UCHL5: variants seen among roughly 807,000 people sequenced by gnomAD.
UCHL5 encodes ubiquitin C-terminal hydrolase L5.
A neutral mutation model predicts 53.8 loss-of-function variants in UCHL5; 34 were observed. The observed-to-expected ratio is 0.63, with a 90% CI of 0.48 to 0.84. UCHL5 has a LOEUF of 0.84. Ranked by LOEUF, UCHL5 falls within the 40% of genes least tolerant of loss-of-function variation. The probability of loss-of-function intolerance (pLI) is 0.00; values close to 1 mark genes in which losing one functional copy is unlikely to be tolerated. For synonymous variants in UCHL5, 111 were observed against 126.3 expected (o/e 0.88, Z 0.81); for missense variants, 290 against 385.6 (o/e 0.75, Z 2.08).
rs570574771 is a variant in UCHL5 at position 193,018,677 on chromosome 1, C to T, written c.943-2282G>A. The T allele has an allele frequency of 4.7e-6, 6 of 1,283,896 alleles. No individual in the cohort carries two copies. The African/African-American group carries it at 6.2e-5, about 13-fold the overall frequency. The allele number at this position is 1,283,896 out of a possible 1,614,324, so 79.5% of individuals were successfully genotyped here. A position where few individuals can be genotyped will look rare whatever the true frequency, so the allele number is the denominator to read the frequency against. On this transcript the variant is annotated intron_variant, in intron 10 of 10. Transcript: ENST00000367454. ...TAGGTCAAATACTTTTATGTCATCA[C>T]AGATTATAGGCAACTGCCTCAGCTA...
At position 193,028,168 on chromosome 1, in the gene UCHL5, CAGTT is replaced by C. The variant is rs1433580428; in HGVS notation, c.566-24_566-21del. 1 of 1,551,824 alleles carries C rather than the reference CAGTT, an allele frequency of 6.4e-7. No homozygotes were observed. The highest frequency in any genetic ancestry group is 8.7e-7 in the Non-Finnish European group (1 of 1,152,094). ...ATGCACCTAGAAAGAAATTTTAAAA[CAGTT>C]AACACAAATAAAAATAAGAACAATC... On this transcript the variant is annotated intron_variant, in intron 6 of 10. Coordinates refer to ENST00000367454, the MANE Select transcript of UCHL5 (RefSeq NM_001199261.3).
intron 3 of UCHL5, among the ~76,000 whole-genome samples, chr1:193,039,618 G>A (rs193007742): frequency 2.6e-5 from 4 of 152,054 alleles, no homozygotes; most frequent in East Asian, 1.9e-4. Flanking sequence ...AAATACCAAC[G>A]GCATTCTTCA....
upstream of UCHL5, chr1:193,059,917 G>A (rs531788256): frequency 7.3e-6 from 10 of 1,365,920 alleles, no homozygotes; most frequent in South Asian, 1.0e-4. This position sits in a 1 kb window ranked among gnomAD's most constrained non-coding sequence, Gnocchi z 4.9. Context: ...GCTCTTCCCC[G>A]TCCCGCTTCC....
At chr1:193,021,280 G>A in intron 9 of UCHL5, 85 bp from the exon 10 acceptor site, 6 of 819,370 alleles carry the variant, frequency 7.3e-6, no homozygotes, top group East Asian at 2.6e-5. Flanking sequence ...AAATAGAAAT[G>A]GTATATCCAT....
In UCHL5 at chr1:193,013,547, T is replaced by G. The variant is rs995894633; in HGVS notation, c.*2804A>C. On this transcript the variant is annotated 3_prime_UTR_variant, in exon 11 of 11. Transcript: ENST00000367454. ...GATCACTAAATACATAAAATGTTAA[T>G]GTGCTCATCCCTGTAAATAGAAATA... 4 of 152,208 alleles carry G rather than the reference T, an allele frequency of 2.6e-5. No homozygotes were observed. The highest frequency in any genetic ancestry group is 4.4e-5 in the Non-Finnish European group (3 of 68,046). The allele number at this position is 152,208 out of a possible 1,614,324, so 9.4% of individuals were successfully genotyped here.
At chr1:193,059,587 G>A (rs760410119), upstream of UCHL5, 8 of 1,474,902 alleles carry the variant, frequency 5.4e-6, 1 homozygote, top group South Asian at 8.0e-5. The surrounding 1 kb of genome is among the most constrained non-coding windows in gnomAD (Gnocchi z 4.9). Flanking sequence ...CTGGGGCGGA[G>A]GCGGGGCAAA....
At chr1:193,027,865 G>A (rs954966428) in intron 7 of UCHL5, 28 of 1,459,756 alleles carry the variant, frequency 1.9e-5, no homozygotes, top group Admixed American at 4.2e-5. Context: ...GCTCACGCCT[G>A]TAATCCTACC....
In UCHL5 at chr1:193,014,396, T is replaced by A. The variant is rs960703989; in HGVS notation, c.*1955A>T. On this transcript the variant is annotated 3_prime_UTR_variant, in exon 11 of 11. Transcript: ENST00000367454. ...CTTATACCTATTAATATAGTCATTT[T>A]ACAAGGATATTTTTCAAATGTCATT... 1 of 152,152 alleles carries A rather than the reference T, an allele frequency of 6.6e-6. No individual in the cohort carries two copies. Among genetic ancestry groups the A allele is most frequent in the Non-Finnish European group, 1.5e-5 (1 of 68,014 alleles). 9.4% of individuals were successfully genotyped at this position (152,152 alleles called of 1,614,324 possible).
In UCHL5 at chr1:193,029,512, A is replaced by C; in HGVS notation, c.372+20T>G. On this transcript the variant is annotated intron_variant, in intron 4 of 10. Transcript: ENST00000367454. ...ACTTTCACAAATATGACATTTTAGG[A>C]ATAAGAAGATTGTACTCACAGCTGC... The C allele has an allele frequency of 1.2e-6, 2 of 1,612,852 alleles. No homozygotes were observed. Among genetic ancestry groups the C allele is most frequent in the Non-Finnish European group, 1.7e-6 (2 of 1,179,574 alleles).
In UCHL5 at chr1:193,044,261, A is replaced by G. The variant is rs182712092; in HGVS notation, c.246+5485T>C. On this transcript the variant is annotated intron_variant, in intron 3 of 10. Transcript: ENST00000367454. ...CATATTTGAGGGCAGGAATCATGGC[A>G]CTTTTTCATTCTCCAAGCACCACAG... Among the ~76,000 whole-genome samples the G allele has an allele frequency of 2.3e-3, 344 of 152,254 alleles. 1 individual carries two copies. Among genetic ancestry groups the G allele is most frequent in the African/African-American group, 7.9e-3 (327 of 41,546 alleles).
At position 193,029,291 on chromosome 1, in the gene UCHL5, A is replaced by C; in HGVS notation, c.453T>G (p.Phe151Leu). Residue 151 changes from phenylalanine to leucine, a missense_variant, in exon 6 of 11, where the codon TTT becomes TTG. By Grantham distance (22) the Phe-to-Leu change is conservative. Coordinates refer to ENST00000367454, the MANE Select transcript of UCHL5 (RefSeq NM_001199261.3). ...NSFARQQMFE[F>L]DTKTSAKEED... ...CTTCTTTTGCTGATGTCTTCGTATC[A>C]AATTCAAACATTTGCTGTCTACAGT... 1 of 1,613,828 alleles carries C rather than the reference A, an allele frequency of 6.2e-7. No homozygotes were observed. The highest frequency in any genetic ancestry group is 8.5e-7 in the Non-Finnish European group (1 of 1,179,818).
intron 1 of UCHL5, among the ~76,000 whole-genome samples, chr1:193,054,434 A>G (rs1670025785): frequency 6.6e-6 from 1 of 152,234 alleles, no homozygotes; most frequent in African/African-American, 2.4e-5. Flanking sequence ...TATGTCTTCC[A>G]CAACCCCAGT....
intron 7 of UCHL5, among the ~76,000 whole-genome samples, chr1:193,025,416 A>G (rs991082978): frequency 2.6e-5 from 4 of 152,218 alleles, no homozygotes; most frequent in Non-Finnish European, 4.4e-5. Context: ...GGTAATGACA[A>G]CACCCATTTG....
At chr1:193,049,949 T>C in intron 2 of UCHL5, 98 bp from the exon 3 acceptor site, 3 of 1,025,464 alleles carry the variant, frequency 2.9e-6, no homozygotes, top group Non-Finnish European at 4.1e-6. Context: ...ACAAATATAA[T>C]ACAAATGAAG....
chr1:193,056,914 T>C (rs1335292517), intron 1 of UCHL5, among the ~76,000 whole-genome samples: 1 of 152,336 alleles, frequency 6.6e-6, no homozygotes, highest in East Asian at 1.9e-4. Flanking sequence ...AGCCAATTTA[T>C]TAATAGCTGC....
At chr1:193,054,836 G>A (rs1670118529) in intron 1 of UCHL5, among the ~76,000 whole-genome samples, 1 of 152,166 alleles carries the variant, frequency 6.6e-6, no homozygotes, top group Non-Finnish European at 1.5e-5. Flanking sequence ...TTACGGGTCA[G>A]AGTTGTTATA....
At chr1:193,046,149 A>G (rs1667264401) in intron 3 of UCHL5, among the ~76,000 whole-genome samples, 1 of 148,286 alleles carries the variant, frequency 6.7e-6, no homozygotes, top group South Asian at 2.1e-4. Flanking sequence ...CTCCCACCTC[A>G]GCCTCCAGAA....
intron 2 of UCHL5, 28 bp downstream of exon 2, chr1:193,051,726 A>G (rs1171553860): frequency 7.4e-7 from 1 of 1,354,238 alleles, no homozygotes. Flanking sequence ...ATATATATAC[A>G]TATTAACACA....
chr1:193,025,726 T>A (rs976183532), intron 7 of UCHL5, among the ~76,000 whole-genome samples: 8 of 152,230 alleles, frequency 5.3e-5, no homozygotes, highest in Admixed American at 3.9e-4. Flanking sequence ...CAGAGCCATG[T>A]CCATAAAAAC....
Sources: allele counts gnomAD v4.1 joint callset (sites outside exome capture counted in the v4.1 genomes callset), GRCh38; gene constraint gnomAD v4.1.1; non-coding constraint Gnocchi (gnomAD v3.1); transcripts MANE v1.5; gene names NCBI Gene and HGNC (gene_info 2026-07-23, HGNC 2026-07-21).